The following AUTS2 variants were observed in gnomAD, a reference collection of about 807,000 sequenced individuals.
The protein encoded by AUTS2 is activator of transcription and developmental regulator AUTS2, also known as autism susceptibility gene 2 protein.
A neutral mutation model predicts 112.4 loss-of-function variants in AUTS2; 17 were observed. The ratio of observed to expected loss-of-function variants is 0.15; its 90% confidence interval spans 0.10 to 0.23. The LOEUF (loss-of-function observed/expected upper bound fraction) is 0.23, where lower values mean the gene tolerates loss of function less well. Among genes scored for constraint, AUTS2 ranks in the 10% least tolerant of loss-of-function variants. The pLI, the probability that AUTS2 is intolerant of heterozygous loss-of-function variation, is 1.00. For synonymous variants in AUTS2, 751 were observed against 702.7 expected (o/e 1.07, Z -1.09); for missense variants, 1,510 against 1,701.6 (o/e 0.89, Z 1.98).
chr7:70,174,983 C>G (rs1808906657), intron 4 of AUTS2, among the ~76,000 whole-genome samples: 1 of 152,094 alleles, frequency 6.6e-6, no homozygotes, highest in South Asian at 2.1e-4. Flanking sequence ...AAATGCATTT[C>G]ATAAGGCTTT....
intron 5 of AUTS2, among the ~76,000 whole-genome samples, chr7:70,643,507 G>A (rs1029554566): frequency 5.9e-5 from 9 of 152,120 alleles, no homozygotes; most frequent in Admixed American, 5.9e-4. Flanking sequence ...GGAGGCTGAG[G>A]TTGCAGTGAG....
intron 4 of AUTS2, among the ~76,000 whole-genome samples, chr7:70,373,336 G>A (rs73173577): frequency 0.064 from 9,796 of 152,138 alleles, 373 homozygotes; most frequent in African/African-American, 0.1. Flanking sequence ...GAGAGCACCC[G>A]ATTAAATTGA....
At chr7:69,768,131 G>C (rs528542541) in intron 1 of AUTS2, among the ~76,000 whole-genome samples, 1 of 152,282 alleles carries the variant, frequency 6.6e-6, no homozygotes, top group African/African-American at 2.4e-5. Flanking sequence ...TGTTTTATCA[G>C]ACAAGTCTCT....
chr7:70,430,026 A>G (rs981699966), intron 4 of AUTS2, among the ~76,000 whole-genome samples: 3 of 152,206 alleles, frequency 2.0e-5, no homozygotes, highest in African/African-American at 7.2e-5. Flanking sequence ...TAGAAAAGGA[A>G]GAGAGCATAG....
intron 1 of AUTS2, among the ~76,000 whole-genome samples, chr7:69,828,027 A>C (rs898727614): frequency 3.3e-5 from 5 of 152,234 alleles, no homozygotes; most frequent in Non-Finnish European, 5.9e-5. Flanking sequence ...GGACTTGATC[A>C]ATGGGTTGGG....
At chr7:70,643,730 G>A (rs1369038864) in intron 5 of AUTS2, among the ~76,000 whole-genome samples, 1 of 152,136 alleles carries the variant, frequency 6.6e-6, no homozygotes, top group Non-Finnish European at 1.5e-5. Flanking sequence ...TTATTATCAT[G>A]TACTAATTGA....
intron 1 of AUTS2, among the ~76,000 whole-genome samples, chr7:69,724,176 C>T (rs965231497): frequency 6.6e-6 from 1 of 152,152 alleles, no homozygotes; most frequent in Non-Finnish European, 1.5e-5. Flanking sequence ...TATGTCACAT[C>T]CCCATGGGGC....
intron 4 of AUTS2, among the ~76,000 whole-genome samples, chr7:70,343,637 A>G (rs1014325727): frequency 6.6e-6 from 1 of 152,230 alleles, no homozygotes; most frequent in Non-Finnish European, 1.5e-5. Flanking sequence ...TTAAGATGTA[A>G]CATGTAAGGG....
chr7:70,784,778 C>CA, intron 15 of AUTS2, 164 bp from the exon 16 acceptor site: 1 of 235,820 alleles, frequency 4.2e-6, no homozygotes. Flanking sequence ...AAAAAACACA[C>CA]ATTTTCTTTT....
chr7:70,746,345 C>G (rs1486262608), intron 6 of AUTS2, among the ~76,000 whole-genome samples: 1 of 152,132 alleles, frequency 6.6e-6, no homozygotes, highest in African/African-American at 2.4e-5. Context: ...GGGGTTTCAC[C>G]ATGTTGGTCA....
chr7:69,821,113 A>G (rs1324960569), intron 1 of AUTS2, among the ~76,000 whole-genome samples: 1 of 152,212 alleles, frequency 6.6e-6, no homozygotes, highest in Non-Finnish European at 1.5e-5. Context: ...GCTGCTCAAC[A>G]TAGATTCAGT....
At chr7:70,103,603 A>G (rs1804612469) in intron 2 of AUTS2, among the ~76,000 whole-genome samples, 1 of 152,130 alleles carries the variant, frequency 6.6e-6, no homozygotes, top group South Asian at 2.1e-4. Context: ...ATGTACAATT[A>G]TTAGAAAATT....
chr7:70,698,633 C>T lies in AUTS2; in HGVS notation c.742+13C>T. ...ATTGTAAACAAAGGTAAGACCCATT[C>T]ATTCTCCTGAGTAATGGCTTATTTT... On this transcript the variant is annotated intron_variant, in intron 6 of 18. Transcript: ENST00000342771. 2 of 1,594,126 alleles carry T rather than the reference C, an allele frequency of 1.3e-6. No homozygotes were observed. The highest frequency in any genetic ancestry group is 2.2e-5 in the East Asian group (1 of 44,450).
chr7:70,092,801 A>G (rs914338848), intron 2 of AUTS2, among the ~76,000 whole-genome samples: 2 of 152,100 alleles, frequency 1.3e-5, no homozygotes, highest in Non-Finnish European at 2.9e-5. Context: ...TTCTGCCTGC[A>G]GCTCTCCACC....
At chr7:70,462,230 T>C (rs943573274) in intron 5 of AUTS2, among the ~76,000 whole-genome samples, 6 of 151,986 alleles carry the variant, frequency 3.9e-5, no homozygotes, top group Non-Finnish European at 7.4e-5. Flanking sequence ...CCAGCCTGGG[T>C]GATAGAGCAA....
At chr7:70,398,594 A>T (rs1411610528) in intron 4 of AUTS2, among the ~76,000 whole-genome samples, 1 of 152,170 alleles carries the variant, frequency 6.6e-6, no homozygotes, top group African/African-American at 2.4e-5. Context: ...TGATAAATGC[A>T]CATACTATTA....
intron 2 of AUTS2, among the ~76,000 whole-genome samples, chr7:70,061,107 C>T (rs1802225701): frequency 6.6e-6 from 1 of 152,152 alleles, no homozygotes; most frequent in African/African-American, 2.4e-5. Context: ...TAATTAGAGA[C>T]AGATGGTCAA....
intron 4 of AUTS2, among the ~76,000 whole-genome samples, chr7:70,398,482 T>C (rs1386912430): frequency 6.6e-6 from 1 of 152,172 alleles, no homozygotes; most frequent in Non-Finnish European, 1.5e-5. Context: ...CCTAGTTTTT[T>C]ATATTTTTTG....
intron 1 of AUTS2, among the ~76,000 whole-genome samples, chr7:69,854,690 A>G (rs1792641064): frequency 6.6e-6 from 1 of 151,900 alleles, no homozygotes; most frequent in African/African-American, 2.4e-5. Flanking sequence ...TTATCTTCTC[A>G]TTTCTCTGTT....
Sources: allele counts gnomAD v4.1 joint callset (sites outside exome capture counted in the v4.1 genomes callset), GRCh38; gene constraint gnomAD v4.1.1; transcripts MANE v1.5; gene names NCBI Gene and HGNC (gene_info 2026-07-23, HGNC 2026-07-21).